Variants in SMYD3 observed in about 807,000 individuals in gnomAD.
SMYD3 encodes the protein histone-lysine N-methyltransferase SMYD3.
In SMYD3, 36 loss-of-function variants were observed where a neutral mutation model predicts 57.7. The ratio of observed to expected loss-of-function variants is 0.62; its 90% CI spans 0.48 to 0.82. The LOEUF is 0.82. SMYD3 is among the 40% of genes least tolerant of loss of function. The pLI, the probability that SMYD3 is intolerant of heterozygous loss-of-function variation, is 0.00. For missense variants in SMYD3, 515 were observed against 538.8 expected, an observed-to-expected ratio of 0.96 and a Z score of 0.44; for synonymous variants, 211 against 195.0, an observed-to-expected ratio of 1.08 and a Z score of -0.68.
intron 5 of SMYD3, among the ~76,000 whole-genome samples, chr1:246,086,639 CAGAGAG>C (rs1008677302): frequency 1.3e-5 from 2 of 151,492 alleles, no homozygotes; most frequent in African/African-American, 4.9e-5. Flanking sequence ...AAAAAAGCCT[CAGAGAG>C]AGAGAAGGGA....
intron 8 of SMYD3, among the ~76,000 whole-genome samples, chr1:245,886,006 T>C (rs1485008653): frequency 6.6e-6 from 1 of 152,206 alleles, no homozygotes; most frequent in East Asian, 1.9e-4. Context: ...GAAAACATAA[T>C]TTATTAATTG....
rs559695666 is a variant in SMYD3, at chr1:245,758,524, T to C, written c.1185+5517A>G. On this transcript the variant is annotated intron_variant, in intron 11 of 11. Transcript: ENST00000490107. The stretch of plus-strand genomic sequence containing the variant: ...ACTTTTTCTTCAGTATTTTTTTCTG[T>C]TTTTCAGCTTGGGCAGTTTCAATTG... Among the ~76,000 whole-genome samples the C allele has an allele frequency of 5.3e-5, 8 of 152,246 alleles. 1 individual carries two copies. The East Asian group carries it at 5.8e-4, about 11-fold the overall frequency.
chr1:246,455,306 T>C (rs983267340), intron 1 of SMYD3, among the ~76,000 whole-genome samples: 1 of 152,206 alleles, frequency 6.6e-6, no homozygotes, highest in Non-Finnish European at 1.5e-5. Context: ...CATTTGCTTA[T>C]AAGAACTGAA....
intron 8 of SMYD3, among the ~76,000 whole-genome samples, chr1:245,890,320 C>T (rs1332040411): frequency 6.6e-6 from 1 of 152,216 alleles, no homozygotes; most frequent in East Asian, 1.9e-4. Context: ...AAAATATCTG[C>T]AAACTACCCA....
chr1:246,145,070 A>G (rs918344120), intron 5 of SMYD3, among the ~76,000 whole-genome samples: 2 of 152,214 alleles, frequency 1.3e-5, no homozygotes, highest in African/African-American at 4.8e-5. Flanking sequence ...GCTGGAGTAC[A>G]GTGGCTATTC....
At chr1:246,469,530 G>C (rs2067930134) in intron 1 of SMYD3, among the ~76,000 whole-genome samples, 1 of 152,024 alleles carries the variant, frequency 6.6e-6, no homozygotes, top group Non-Finnish European at 1.5e-5. Context: ...AGCTTGAAGG[G>C]GCTCCCATGA....
intron 1 of SMYD3, among the ~76,000 whole-genome samples, chr1:246,378,320 T>C (rs1413641118): frequency 6.6e-6 from 1 of 152,116 alleles, no homozygotes; most frequent in Non-Finnish European, 1.5e-5. Flanking sequence ...CCTGGGTGTG[T>C]CTGTGAGGGT....
At chr1:246,118,201 T>C (rs888637918) in intron 5 of SMYD3, among the ~76,000 whole-genome samples, 6 of 152,200 alleles carry the variant, frequency 3.9e-5, no homozygotes, top group African/African-American at 1.4e-4. Flanking sequence ...TGACTTTTAG[T>C]TTATTTTTCC....
At chr1:245,954,484 G>C (rs2057766621) in intron 5 of SMYD3, among the ~76,000 whole-genome samples, 1 of 152,098 alleles carries the variant, frequency 6.6e-6, no homozygotes, top group Admixed American at 6.5e-5. Flanking sequence ...GACCAGCCTG[G>C]GCAACATGGT....
chr1:245,939,392 A>G (rs1036859554), intron 5 of SMYD3, among the ~76,000 whole-genome samples: 9 of 152,096 alleles, frequency 5.9e-5, no homozygotes, highest in East Asian at 1.9e-4. Context: ...TTGGGAGGCC[A>G]AGGCGGGTGG....
At chr1:246,425,307 G>T (rs1001024578) in intron 1 of SMYD3, among the ~76,000 whole-genome samples, 1 of 152,062 alleles carries the variant, frequency 6.6e-6, no homozygotes, top group African/African-American at 2.4e-5. Flanking sequence ...AGCTCTCCTG[G>T]TACCGGAGAT....
chr1:245,818,749 G>C (rs1016695017), intron 10 of SMYD3, among the ~76,000 whole-genome samples: 7 of 151,992 alleles, frequency 4.6e-5, no homozygotes, highest in Non-Finnish European at 8.8e-5. Context: ...TGCAATCCTA[G>C]TCTGATAAAA....
At chr1:245,934,746 T>C (rs1006274170) in intron 5 of SMYD3, among the ~76,000 whole-genome samples, 11 of 151,978 alleles carry the variant, frequency 7.2e-5, no homozygotes, top group African/African-American at 2.7e-4. Context: ...GATTTCGGCA[T>C]CTGTTTCAAT....
chr1:246,159,539 A>G (rs768680149), intron 5 of SMYD3, among the ~76,000 whole-genome samples: 1 of 152,170 alleles, frequency 6.6e-6, no homozygotes, highest in Non-Finnish European at 1.5e-5. Flanking sequence ...TTTAACTGGC[A>G]TGAATGGGCC....
At position 246,216,286 on chromosome 1, in the gene SMYD3, C is replaced by CAAA. The variant is rs761129685; in HGVS notation, c.531+110912_531+110914dup. On this transcript the variant is annotated intron_variant, in intron 5 of 11. Transcript: ENST00000490107. ...TGGGCAGTAGAGTAAGACTCCATTT[C>CAAA]AAAAAAAAAAAAAAACTCATAAGCA... Among the ~76,000 whole-genome samples the CAAA allele has an allele frequency of 4.8e-4, 60 of 125,666 alleles. 1 individual carries two copies. Among genetic ancestry groups the CAAA allele is most frequent in the African/African-American group, 1.5e-3 (49 of 33,572 alleles). 82.4% of individuals were successfully genotyped at this position (125,666 alleles called of 152,430 possible).
intron 8 of SMYD3, among the ~76,000 whole-genome samples, chr1:245,893,630 G>A (rs2053536557): frequency 6.6e-6 from 1 of 152,184 alleles, no homozygotes; most frequent in Non-Finnish European, 1.5e-5. Context: ...TGATATTGTG[G>A]AAAAGGTAAA....
At chr1:246,235,539 C>T (rs1200709582) in intron 5 of SMYD3, among the ~76,000 whole-genome samples, 1 of 149,408 alleles carries the variant, frequency 6.7e-6, no homozygotes, top group Non-Finnish European at 1.5e-5. Flanking sequence ...TCTAGATAGA[C>T]AGGTAGGTAG....
intron 5 of SMYD3, among the ~76,000 whole-genome samples, chr1:246,285,954 G>A (rs1254280110): frequency 6.6e-6 from 1 of 152,080 alleles, no homozygotes; most frequent in East Asian, 1.9e-4. Flanking sequence ...CCTTTCTCCC[G>A]CAAGAATGGC....
chr1:246,419,366 C>T (rs1185695923), intron 1 of SMYD3, among the ~76,000 whole-genome samples: 9 of 152,238 alleles, frequency 5.9e-5, no homozygotes, highest in Admixed American at 4.6e-4. Flanking sequence ...ACACCCTCCA[C>T]GTCCTCCCGA....
Sources: allele counts gnomAD v4.1 joint callset (sites outside exome capture counted in the v4.1 genomes callset), GRCh38; gene constraint gnomAD v4.1.1; transcripts MANE v1.5; gene names NCBI Gene and HGNC (gene_info 2026-07-23, HGNC 2026-07-21).